Variants in PRKG1 observed in about 807,000 individuals in gnomAD.
The protein encoded by PRKG1 is cGMP-dependent protein kinase 1.
A neutral mutation model predicts 88.1 loss-of-function variants in PRKG1; 35 were observed. The observed-to-expected ratio is 0.40, with a 90% confidence interval of 0.30 to 0.53. The LOEUF is 0.53. Ranked by LOEUF, PRKG1 falls within the 20% of genes least tolerant of loss-of-function variation. PRKG1 has a pLI of 0.59. For missense variants in PRKG1, 540 were observed against 839.8 expected, an observed-to-expected ratio of 0.64 and a Z score of 4.41; for synonymous variants, 303 against 292.5, an observed-to-expected ratio of 1.04 and a Z score of -0.37.
chr10:51,766,451 C>T, intron 3 of PRKG1, among the ~76,000 whole-genome samples: 1 of 152,146 alleles, frequency 6.6e-6, no homozygotes, highest in East Asian at 1.9e-4. Context: ...GTCTATGTGG[C>T]TGTTGGCATA....
At chr10:52,056,104 G>T (rs1846105072) in intron 6 of PRKG1, among the ~76,000 whole-genome samples, 1 of 152,166 alleles carries the variant, frequency 6.6e-6, no homozygotes, top group Non-Finnish European at 1.5e-5. Flanking sequence ...AAGATATCAT[G>T]AAATGACATG....
intron 1 of PRKG1, among the ~76,000 whole-genome samples, chr10:51,137,458 G>A (rs1845717015): frequency 6.6e-6 from 1 of 152,172 alleles, no homozygotes; most frequent in African/African-American, 2.4e-5. Context: ...AATTGACTCT[G>A]ATGCCTAGTG....
intron 3 of PRKG1, among the ~76,000 whole-genome samples, chr10:51,647,815 A>G (rs2132308065): frequency 6.6e-6 from 1 of 152,286 alleles, no homozygotes. Flanking sequence ...AGAACATTAT[A>G]AAACCACCTA....
intron 4 of PRKG1, among the ~76,000 whole-genome samples, chr10:51,826,553 T>C (rs963255126): frequency 6.6e-6 from 1 of 152,180 alleles, no homozygotes; most frequent in African/African-American, 2.4e-5. Flanking sequence ...AAGCTATTAA[T>C]AAGGCCCATT....
intron 2 of PRKG1, among the ~76,000 whole-genome samples, chr10:51,422,242 C>T (rs770241560): frequency 1.9e-4 from 29 of 152,290 alleles, no homozygotes; most frequent in Middle Eastern, 3.4e-3. Context: ...AGTTTCACTC[C>T]AAAGTGTTCT....
intron 2 of PRKG1, among the ~76,000 whole-genome samples, chr10:51,212,362 C>T (rs1296452883): frequency 2.6e-5 from 4 of 152,034 alleles, no homozygotes; most frequent in Non-Finnish European, 5.9e-5. Flanking sequence ...CCATAAAAAC[C>T]CTAGAAGAAA....
chr10:52,161,780 A>C (rs928905383), intron 8 of PRKG1, 109 bp from the exon 9 acceptor site: 11 of 885,784 alleles, frequency 1.2e-5, no homozygotes, highest in Middle Eastern at 2.4e-4. Flanking sequence ...TAAGTGTTTG[A>C]ATTTACTTTT....
intron 1 of PRKG1, among the ~76,000 whole-genome samples, chr10:51,021,550 G>A (rs1589110846): frequency 6.6e-6 from 1 of 152,304 alleles, no homozygotes; most frequent in Admixed American, 6.5e-5. Context: ...AGCTAGTCAT[G>A]TTGGAAATCT....
chr10:51,997,100 T>C (rs1844466059), intron 5 of PRKG1, among the ~76,000 whole-genome samples: 1 of 152,064 alleles, frequency 6.6e-6, no homozygotes, highest in Non-Finnish European at 1.5e-5. Flanking sequence ...AGAATGTTGA[T>C]TACCAGAGGC....
intron 1 of PRKG1, among the ~76,000 whole-genome samples, chr10:51,078,593 TTTA>T (rs1442793849): frequency 5.0e-5 from 2 of 40,398 alleles, no homozygotes; most frequent in East Asian, 2.0e-3. Flanking sequence ...TTTATTTATA[TTTA>T]TTTATTTATT....
chr10:51,820,299 CTCT>C (rs1378720382), intron 4 of PRKG1, among the ~76,000 whole-genome samples: 4 of 152,254 alleles, frequency 2.6e-5, no homozygotes, highest in African/African-American at 9.6e-5. Flanking sequence ...ATTTTCCAAA[CTCT>C]TCTTTGTTTT....
At chr10:51,268,040 AATTTTTAAGCTGGGT>A (rs1315718204) in intron 2 of PRKG1, among the ~76,000 whole-genome samples, 1 of 152,122 alleles carries the variant, frequency 6.6e-6, no homozygotes, top group Non-Finnish European at 1.5e-5. Flanking sequence ...AAAAGAGAGA[AATTTTTAAGCTGGGT>A]GTCCAGGGGA....
At chr10:52,224,166 C>T (rs183092540) in intron 9 of PRKG1, among the ~76,000 whole-genome samples, 41 of 152,220 alleles carry the variant, frequency 2.7e-4, no homozygotes, top group Admixed American at 1.2e-3. Context: ...CTCCACCTTG[C>T]GTCCCATCTC....
chr10:51,688,565 CTT>C (rs35034840), intron 3 of PRKG1, among the ~76,000 whole-genome samples: 12,989 of 123,632 alleles, frequency 0.11, 784 homozygotes, highest in African/African-American at 0.2. Flanking sequence ...AGTAACAATC[CTT>C]TTTTTTTTTT....
chr10:51,826,792 G>A (rs1160410807), intron 4 of PRKG1, among the ~76,000 whole-genome samples: 1 of 152,060 alleles, frequency 6.6e-6, no homozygotes, highest in African/African-American at 2.4e-5. Context: ...TAATCATCAA[G>A]AAAGGAGAGA....
At chr10:51,817,414 G>C (rs1442272674) in intron 4 of PRKG1, among the ~76,000 whole-genome samples, 2 of 133,156 alleles carry the variant, frequency 1.5e-5, no homozygotes, top group East Asian at 2.3e-4. Context: ...TGTTCTCATT[G>C]TTCAACTCCC....
At chr10:51,287,519 T>C (rs564128342) in intron 2 of PRKG1, among the ~76,000 whole-genome samples, 1 of 152,304 alleles carries the variant, frequency 6.6e-6, no homozygotes, top group African/African-American at 2.4e-5. Context: ...ACATGGAGCG[T>C]AAATTCTAGT....
chr10:51,843,811 G>C, intron 4 of PRKG1, among the ~76,000 whole-genome samples: 1 of 152,022 alleles, frequency 6.6e-6, no homozygotes, highest in East Asian at 1.9e-4. Flanking sequence ...TTGCTAAATA[G>C]GTCCATGGAA....
chr10:51,582,285 C>T (rs980770986), intron 3 of PRKG1, among the ~76,000 whole-genome samples: 21 of 152,238 alleles, frequency 1.4e-4, no homozygotes, highest in African/African-American at 5.1e-4. Context: ...TGCCTGTGAC[C>T]TCTGCAGTGA....
Sources: allele counts gnomAD v4.1 joint callset (sites outside exome capture counted in the v4.1 genomes callset), GRCh38; gene constraint gnomAD v4.1.1; transcripts MANE v1.5; gene names NCBI Gene and HGNC (gene_info 2026-07-23, HGNC 2026-07-21).